CTSS: variants seen among roughly 807,000 people sequenced by gnomAD.
The protein encoded by CTSS is cathepsin S.
Under a neutral mutation model 39.9 loss-of-function variants are expected in CTSS, and 15 were observed. The observed-to-expected ratio is 0.38, with a 90% CI of 0.25 to 0.58. The LOEUF (loss-of-function observed/expected upper bound fraction) is 0.58. Ranked by LOEUF, CTSS falls within the 20% of genes least tolerant of loss-of-function variation. The pLI, the probability that CTSS is intolerant of heterozygous loss-of-function variation, is 0.70. For synonymous variants in CTSS, 126 were observed against 138.2 expected (o/e 0.91, Z 0.62); for missense variants, 250 against 398.2 (o/e 0.63, Z 3.17).
At chr1:150,742,682 T>C (rs74127010) in intron 7 of CTSS, among the ~76,000 whole-genome samples, 7,743 of 152,026 alleles carry the variant, frequency 0.051, 660 homozygotes, top group African/African-American at 0.18. Flanking sequence ...CCATTGGGAA[T>C]GGCAAAGAGA....
intron 2 of CTSS, among the ~76,000 whole-genome samples, chr1:150,759,813 GCAA>G (rs1653215540): frequency 6.6e-6 from 1 of 152,118 alleles, no homozygotes; most frequent in South Asian, 2.1e-4. Flanking sequence ...GGAGCAGTCA[GCAA>G]CAACTGTGTT....
intron 1 of CTSS, among the ~76,000 whole-genome samples, chr1:150,764,967 G>A (rs1370225552): frequency 3.3e-5 from 5 of 152,152 alleles, no homozygotes; most frequent in Non-Finnish European, 5.9e-5. Context: ...CCAATGCTTA[G>A]TAGCACTTTA....
At position 150,757,895 on chromosome 1, in the gene CTSS, T is replaced by C. The variant is rs1433369203; in HGVS notation, c.212A>G (p.His71Arg). ...GTGGTTCATGCCCAGATCGTATGAG[T>C]GCATTCCCATTGAATGCTCCAGGTT... ...LHNLEHSMGM[H>R]SYDLGMNHLG... Residue 71 changes from histidine to arginine, a missense_variant, in exon 3 of 8, where the codon CAC (histidine) becomes CGC (arginine). Coordinates refer to ENST00000368985, the MANE Select transcript of CTSS (RefSeq NM_004079.5). 6.2e-7 allele frequency: 1 copy of C among 1,613,762 alleles called. No homozygotes were observed. Among genetic ancestry groups the C allele is most frequent in the East Asian group, 2.2e-5 (1 of 44,876 alleles).
At chr1:150,739,258 A>G (rs1340338199) in intron 7 of CTSS, among the ~76,000 whole-genome samples, 2 of 152,210 alleles carry the variant, frequency 1.3e-5, no homozygotes, top group Non-Finnish European at 2.9e-5. Context: ...GAAGAGTTAT[A>G]CATCTCTCAT....
rs181683033 is a variant in CTSS at position 150,745,396 on chromosome 1, C to T, written c.896+2381G>A. ...GGAAAATTGGCCAGGCGCAGTGGCT[C>T]ACACCTGTAATCCCAGTGCTCTGGG... On this transcript the variant is annotated intron_variant, in intron 7 of 7. Transcript: ENST00000368985. Among the ~76,000 whole-genome samples, 16 of 152,238 alleles carry T rather than the reference C, an allele frequency of 1.1e-4. No individual in the cohort carries two copies. In the South Asian group the frequency reaches 1.9e-3, roughly 18 times the overall value.
chr1:150,750,665 C>G (rs1652989808), intron 5 of CTSS, among the ~76,000 whole-genome samples: 1 of 152,100 alleles, frequency 6.6e-6, no homozygotes, highest in Non-Finnish European at 1.5e-5. Context: ...GAGATAGGCT[C>G]TCACTCCATT....
chr1:150,745,895 T>C (rs1348207341), intron 7 of CTSS, among the ~76,000 whole-genome samples: 3 of 152,136 alleles, frequency 2.0e-5, no homozygotes, highest in African/African-American at 7.2e-5. Context: ...GATGACTTGA[T>C]GTATGTGCAC....
intron 7 of CTSS, among the ~76,000 whole-genome samples, chr1:150,742,753 A>G (rs943084161): frequency 2.2e-4 from 33 of 152,062 alleles, no homozygotes; most frequent in Admixed American, 8.5e-4. Flanking sequence ...TTGAGGGGGG[A>G]AAAGGAAAAG....
chr1:150,737,620 T>C (rs1379906290), intron 7 of CTSS, among the ~76,000 whole-genome samples: 2 of 152,146 alleles, frequency 1.3e-5, no homozygotes, highest in Non-Finnish European at 2.9e-5. Flanking sequence ...GTTTCCTTTG[T>C]AATAGACTGA....
chr1:150,736,050 G>A (rs909025242), intron 7 of CTSS, among the ~76,000 whole-genome samples: 1 of 151,988 alleles, frequency 6.6e-6, no homozygotes, highest in Non-Finnish European at 1.5e-5. Context: ...GAGCCACTGC[G>A]CCTGGCCCAA....
Position 150,748,014 on chromosome 1 carries a change from A to G in CTSS, c.794-135T>C, listed in dbSNP as rs1439047207. 1.3e-5 allele frequency: 8 copies of G among 613,632 alleles called. No homozygotes were observed. In the South Asian group the frequency reaches 1.7e-4, roughly 13 times the overall value. The allele number at this position is 613,632 out of a possible 1,614,324, so 38.0% of individuals were successfully genotyped here. A position where few individuals can be genotyped will look rare whatever the true frequency, so the allele number is the denominator to read the frequency against. On this transcript the variant is annotated intron_variant, in intron 6 of 7. Transcript: ENST00000368985. ...AATTTAAAAAGTTAAGGACATGTCC[A>G]GGCATGGTGGCTCATGCCTGTAATC...
At chr1:150,751,067 C>G (rs1290537975) in intron 5 of CTSS, among the ~76,000 whole-genome samples, 1 of 151,946 alleles carries the variant, frequency 6.6e-6, no homozygotes, top group Non-Finnish European at 1.5e-5. Flanking sequence ...AACATGGACA[C>G]AATCCTTAGG....
At chr1:150,749,941 C>T (rs1005259496) in intron 6 of CTSS, 65 bp downstream of exon 6, 37 of 1,391,472 alleles carry the variant, frequency 2.7e-5, no homozygotes, top group Non-Finnish European at 3.2e-5. Flanking sequence ...CATGAACCAC[C>T]GTGCTCAGCC....
At chr1:150,759,118 C>T (rs2101925728) in intron 2 of CTSS, among the ~76,000 whole-genome samples, 1 of 151,796 alleles carries the variant, frequency 6.6e-6, no homozygotes, top group East Asian at 1.9e-4. Context: ...GATCCTTCCC[C>T]CTTGGCCTCC....
At chr1:150,755,946 G>A (rs1653115194) in intron 3 of CTSS, among the ~76,000 whole-genome samples, 1 of 151,918 alleles carries the variant, frequency 6.6e-6, no homozygotes, top group African/African-American at 2.4e-5. Flanking sequence ...ATTAACCTTA[G>A]TTTAATGCAA....
chr1:150,752,290 A>T (rs1653023888), intron 4 of CTSS, among the ~76,000 whole-genome samples: 1 of 152,226 alleles, frequency 6.6e-6, no homozygotes, highest in Non-Finnish European at 1.5e-5. Context: ...CTCACTGAGC[A>T]TGTACCAAAT....
In CTSS at chr1:150,732,380, T is replaced by C. The variant is rs587632006; in HGVS notation, c.*666A>G. Reference sequence around the variant, plus strand: ...GAATAAGAATGGTATGTGGCAATGATAGAAATTTGAAATGGCAGATTTATT... The same window carrying C: ...GAATAAGAATGGTATGTGGCAATGACAGAAATTTGAAATGGCAGATTTATT... On this transcript the variant is annotated 3_prime_UTR_variant, in exon 8 of 8. Coordinates refer to ENST00000368985, the MANE Select transcript of CTSS (RefSeq NM_004079.5). 2.0e-5 allele frequency: 3 copies of C among 152,332 alleles called. No individual in the cohort carries two copies. The highest frequency in any genetic ancestry group is 1.9e-4 in the East Asian group (1 of 5,190). The allele number at this position is 152,332 out of a possible 1,614,324, so 9.4% of individuals were successfully genotyped here.
At chr1:150,760,534 G>A (rs751356616) in intron 2 of CTSS, among the ~76,000 whole-genome samples, 1 of 152,110 alleles carries the variant, frequency 6.6e-6, no homozygotes, top group African/African-American at 2.4e-5. Flanking sequence ...ATAAATACAA[G>A]ATCTCCAAAT....
chr1:150,756,276 A>G (rs965750358), intron 3 of CTSS, among the ~76,000 whole-genome samples: 1 of 152,148 alleles, frequency 6.6e-6, no homozygotes, highest in Non-Finnish European at 1.5e-5. Flanking sequence ...CTCTGATAAC[A>G]ATGTTTTCTA....
Sources: allele counts gnomAD v4.1 joint callset (sites outside exome capture counted in the v4.1 genomes callset), GRCh38; gene constraint gnomAD v4.1.1; transcripts MANE v1.5; gene names NCBI Gene and HGNC (gene_info 2026-07-23, HGNC 2026-07-21).